The following PHF21A variants were observed in gnomAD, a reference collection of about 807,000 sequenced individuals.
PHF21A encodes the protein PHD finger protein 21A, also known as BHC80a.
PHF21A carries 11 observed loss-of-function variants against 82.5 expected under a neutral mutation model. The observed-to-expected ratio is 0.13, with a 90% CI of 0.08 to 0.22. The LOEUF (loss-of-function observed/expected upper bound fraction) is 0.22, where lower values mean the gene tolerates loss of function less well. Among genes scored for constraint, PHF21A ranks in the 10% least tolerant of loss-of-function variants. PHF21A has a pLI of 1.00. For synonymous variants in PHF21A, 297 were observed against 302.8 expected (o/e 0.98, Z 0.20); for missense variants, 579 against 837.8 (o/e 0.69, Z 3.81).
chr11:46,040,947 A>T (rs2096126395), intron 6 of PHF21A, among the ~76,000 whole-genome samples: 1 of 150,470 alleles, frequency 6.6e-6, no homozygotes, highest in African/African-American at 2.5e-5. Flanking sequence ...ACGCACAATT[A>T]AGGTTCTTGA....
At chr11:45,973,490 C>T (rs898511582) in intron 7 of PHF21A, among the ~76,000 whole-genome samples, 2 of 152,208 alleles carry the variant, frequency 1.3e-5, no homozygotes, top group Admixed American at 6.5e-5. Flanking sequence ...TTCCTCTTCG[C>T]TAAGTGGCTT....
chr11:45,977,825 C>CT (rs900973592), intron 7 of PHF21A, among the ~76,000 whole-genome samples: 30 of 148,434 alleles, frequency 2.0e-4, no homozygotes, highest in African/African-American at 5.2e-4. Flanking sequence ...TTGCTTTTTT[C>CT]TTTTTTTTCT....
chr11:45,965,418 G>C lies in PHF21A; in HGVS notation c.893C>G (p.Thr298Arg). 1 of 1,614,110 alleles carries C rather than the reference G, an allele frequency of 6.2e-7. No homozygotes were observed. The highest frequency in any genetic ancestry group is 8.5e-7 in the Non-Finnish European group (1 of 1,180,012). ...GCTGGTGAGCTGGGCCATGGGGAAC[G>C]TTTTGGCTATGGTTGCAGTCTGCCC... ...VNGQTATIAK[T>R]FPMAQLTSIV... Residue 298 changes from threonine to arginine, a missense_variant, in exon 10 of 19, where the codon ACG becomes AGG. Thr to Arg is a moderately conservative substitution (Grantham distance 71). Around this residue, in one of 3 missense-constraint regions of PHF21A, gnomAD observed 410 missense variants for 642.1 expected, o/e 0.64. Coordinates refer to ENST00000676320, the MANE Select transcript of PHF21A (RefSeq NM_001352027.3).
chr11:45,943,749 G>A (rs2090813496), intron 15 of PHF21A, among the ~76,000 whole-genome samples: 2 of 152,280 alleles, frequency 1.3e-5, no homozygotes, highest in East Asian at 1.9e-4. Context: ...CACATTTACA[G>A]GTGGAAAAAT....
At chr11:46,078,437 G>C (rs1249401308) in intron 5 of PHF21A, among the ~76,000 whole-genome samples, 1 of 152,012 alleles carries the variant, frequency 6.6e-6, no homozygotes, top group African/African-American at 2.4e-5. Context: ...AGTATCTAAT[G>C]GTTACAAAAG....
intron 6 of PHF21A, among the ~76,000 whole-genome samples, chr11:46,007,608 C>T (rs1358593087): frequency 6.6e-6 from 1 of 152,146 alleles, no homozygotes; most frequent in Admixed American, 6.5e-5. Context: ...AGCCACCGTG[C>T]CCGGCCCCAT....
chr11:46,073,219 T>C (rs1289026639), intron 6 of PHF21A, among the ~76,000 whole-genome samples: 2 of 151,880 alleles, frequency 1.3e-5, no homozygotes, highest in African/African-American at 4.8e-5. Flanking sequence ...TCCCAGCTAC[T>C]TGGGAGGCTG....
intron 1 of PHF21A, among the ~76,000 whole-genome samples, chr11:46,115,693 T>C (rs1038604819): frequency 1.3e-5 from 2 of 152,166 alleles, no homozygotes; most frequent in African/African-American, 4.8e-5. Flanking sequence ...TTCAAACATG[T>C]TTCAAGAAAT....
At chr11:46,001,841 G>T (rs564428048) in intron 6 of PHF21A, among the ~76,000 whole-genome samples, 2 of 152,230 alleles carry the variant, frequency 1.3e-5, no homozygotes, top group East Asian at 3.9e-4. Context: ...GAGGATGGAG[G>T]TCTTTGGTTT....
At chr11:46,046,443 G>C (rs2096258047) in intron 6 of PHF21A, among the ~76,000 whole-genome samples, 2 of 152,248 alleles carry the variant, frequency 1.3e-5, no homozygotes, top group South Asian at 4.2e-4. Flanking sequence ...AAAAAACCTT[G>C]CCATGACAGC....
intron 10 of PHF21A, among the ~76,000 whole-genome samples, chr11:45,961,285 T>C (rs2093057180): frequency 6.6e-6 from 1 of 152,186 alleles, no homozygotes; most frequent in South Asian, 2.1e-4. Context: ...TATATACTTG[T>C]CTGCATGAAA....
At chr11:45,956,040 A>C (rs1032326552) in intron 10 of PHF21A, among the ~76,000 whole-genome samples, 4 of 152,200 alleles carry the variant, frequency 2.6e-5, no homozygotes, top group Non-Finnish European at 5.9e-5. Flanking sequence ...GAGCAAAAAA[A>C]CCCCTATCAA....
At chr11:46,049,743 A>C (rs2139102488) in intron 6 of PHF21A, among the ~76,000 whole-genome samples, 1 of 152,342 alleles carries the variant, frequency 6.6e-6, no homozygotes, top group South Asian at 2.1e-4. Context: ...CTATACTGAA[A>C]TGCCAATTGC....
intron 1 of PHF21A, among the ~76,000 whole-genome samples, chr11:46,104,310 G>A (rs1175265811): frequency 6.6e-6 from 1 of 152,102 alleles, no homozygotes; most frequent in Admixed American, 6.6e-5. Flanking sequence ...TTTAAGACTT[G>A]AGAGTTACAA....
chr11:46,089,708 T>TA (rs1021658727), intron 3 of PHF21A, among the ~76,000 whole-genome samples: 1 of 150,058 alleles, frequency 6.7e-6, no homozygotes, highest in South Asian at 2.1e-4. Context: ...TCCTATGAAA[T>TA]AAAAAAATAT....
intron 6 of PHF21A, among the ~76,000 whole-genome samples, chr11:46,062,641 A>G (rs186392699): frequency 1.3e-5 from 2 of 152,174 alleles, no homozygotes; most frequent in Non-Finnish European, 2.9e-5. Flanking sequence ...TTAAATATCT[A>G]GTGATTCTTG....
intron 6 of PHF21A, among the ~76,000 whole-genome samples, chr11:46,074,457 G>C (rs1245284491): frequency 7.7e-6 from 1 of 130,560 alleles, no homozygotes; most frequent in Non-Finnish European, 1.8e-5. Context: ...GGCTCTTTTG[G>C]CGGGAGGGGG....
At chr11:46,023,094 C>G (rs554720300) in intron 6 of PHF21A, among the ~76,000 whole-genome samples, 1 of 152,006 alleles carries the variant, frequency 6.6e-6, no homozygotes, top group East Asian at 1.9e-4. Flanking sequence ...GGTCTCAGAC[C>G]TTGAGTGATA....
intron 15 of PHF21A, among the ~76,000 whole-genome samples, chr11:45,943,726 C>T (rs1024940607): frequency 5.9e-5 from 9 of 152,102 alleles, no homozygotes; most frequent in African/African-American, 2.2e-4. Flanking sequence ...CTATCTCCAC[C>T]ACAGGAAAAA....
Sources: gnomAD v4.1 joint callset for allele counts (sites outside exome capture counted in the v4.1 genomes callset) on GRCh38, gnomAD v4.1.1 for gene constraint, gnomAD v4.1.1 regional missense constraint, MANE v1.5 for transcripts, NCBI Gene and HGNC (gene_info 2026-07-23, HGNC 2026-07-21) for gene names.